The following PTK6 variants were observed in gnomAD, a reference collection of about 807,000 sequenced individuals.
PTK6 encodes the protein protein tyrosine kinase 6, also known as protein-tyrosine kinase 6.
PTK6 carries 47 observed loss-of-function variants against 47.5 expected under a neutral mutation model. The ratio of observed to expected loss-of-function variants is 0.99; its 90% CI spans 0.78 to 1.26. The LOEUF (loss-of-function observed/expected upper bound fraction) is 1.26. Among genes scored for constraint, PTK6 ranks in the 50% most tolerant of loss-of-function variants. PTK6 has a pLI of 0.00. For synonymous variants in PTK6, 287 were observed against 276.5 expected, an observed-to-expected ratio of 1.04 and a Z score of -0.38; for missense variants, 618 against 625.3, an observed-to-expected ratio of 0.99 and a Z score of 0.12.
At position 63,534,931 on chromosome 20, in the gene PTK6, G is replaced by T; in HGVS notation, c.352+7C>A. 6.3e-7 allele frequency: 1 copy of T among 1,591,144 alleles called. No individual in the cohort carries two copies. ...GGCAAGCACAGGCTCGGAGGCCGGG[G>T]CCGCACCCGACAGGACGTAGTCGGC... On this transcript the variant is annotated splice_region_variant and intron_variant, in intron 2 of 7. Coordinates refer to ENST00000542869, the MANE Select transcript of PTK6 (RefSeq NM_005975.4).
rs1418992050 is a variant in PTK6, at chr20:63,537,126, G to C, written c.189C>G (p.Pro63=). 3.7e-6 allele frequency: 6 copies of C among 1,610,908 alleles called. No homozygotes were observed. Among genetic ancestry groups the C allele is most frequent in the African/African-American group, 1.3e-5 (1 of 74,852 alleles). ...AGGAVAQGYV[P]HNYLAERETV... ...TCTCCCTCTCGGCCAGGTAGTTGTG[G>C]GGCACATAGCCCTGGGCCACGGCCC... is the stretch of plus-strand genomic sequence containing the variant. Residue 63 remains proline (P), a synonymous_variant, in exon 1 of 8, where the codon CCC becomes CCG. Coordinates refer to ENST00000542869, the MANE Select transcript of PTK6 (RefSeq NM_005975.4).
intron 2 of PTK6, 79 bp from the exon 3 acceptor site, chr20:63,534,394 G>A (rs1187870974): frequency 1.1e-5 from 16 of 1,464,556 alleles, no homozygotes; most frequent in South Asian, 6.8e-5. Flanking sequence ...GGCCACACCT[G>A]CGCAGAGTTT....
At chr20:63,534,128 A>T in intron 3 of PTK6, 24 bp downstream of exon 3, 1 of 1,525,792 alleles carries the variant, frequency 6.6e-7, no homozygotes, top group Non-Finnish European at 8.8e-7. Context: ...ACCCCGCGTG[A>T]CCAAGTCAGG....
chr20:63,530,528 A>C lies in PTK6; in HGVS notation c.1014+218T>G, dbSNP rs1220378337. Among the ~76,000 whole-genome samples, 2 of 152,136 alleles carry C rather than the reference A, an allele frequency of 1.3e-5. No individual in the cohort carries two copies. Among genetic ancestry groups the C allele is most frequent in the African/African-American group, 4.8e-5 (2 of 41,438 alleles). On this transcript the variant is annotated intron_variant, in intron 6 of 7. Coordinates refer to ENST00000542869, the MANE Select transcript of PTK6 (RefSeq NM_005975.4). The surrounding 1 kb of genome is among the most constrained non-coding windows in gnomAD (Gnocchi z 4.1). ...GGCCAGTGAACAAGGCACGTGAACAAGGCAGCGGCTGCGTGGTGGGCCCTG... is the reference window on the plus strand; with the variant it reads ...GGCCAGTGAACAAGGCACGTGAACACGGCAGCGGCTGCGTGGTGGGCCCTG...
rs1569010197 is a variant in PTK6 at position 63,530,890 on chromosome 20, C to T, written c.870G>A (p.Leu290=). The part of the protein sequence containing the change: ...DEKVLPVSEL[L]DIAWQVAEGM... ...CCTCAGCCACCTGCCAGGCGATGTC[C>T]AGCAGCTCCGAAACGGGCAGGACTT... The change falls in exon 6 of 8, where the codon CTG becomes CTA. Residue 290 remains leucine, a synonymous_variant. Coordinates refer to ENST00000542869, the MANE Select transcript of PTK6 (RefSeq NM_005975.4). The surrounding 1 kb of genome is among the most constrained non-coding windows in gnomAD (Gnocchi z 4.1). 6.2e-7 allele frequency: 1 copy of T among 1,613,472 alleles called. No homozygotes were observed. The highest frequency in any genetic ancestry group is 8.5e-7 in the Non-Finnish European group (1 of 1,179,778).
Position 63,537,370 on chromosome 20 carries a change from T to C in PTK6, c.-56A>G. ...GTGGCCCAGCTGGAGCACCCAGAGC[T>C]GGGCGTGGCAGGCGGGCCGTCCCAC... is the stretch of plus-strand genomic sequence containing the variant. On this transcript the variant is annotated 5_prime_UTR_variant, in exon 1 of 8. Coordinates refer to ENST00000542869, the MANE Select transcript of PTK6 (RefSeq NM_005975.4). The C allele has an allele frequency of 6.9e-7, 1 of 1,454,548 alleles. No individual in the cohort carries two copies. The highest frequency in any genetic ancestry group is 9.4e-7 in the Non-Finnish European group (1 of 1,066,804). The allele number at this position is 1,454,548 out of a possible 1,614,324, so 90.1% of individuals were successfully genotyped here. A position where few individuals can be genotyped will look rare whatever the true frequency, so the allele number is the denominator to read the frequency against.
intron 5 of PTK6, among the ~76,000 whole-genome samples, chr20:63,531,517 A>C (rs2082621176): frequency 1.4e-5 from 2 of 146,058 alleles, no homozygotes; most frequent in Non-Finnish European, 1.5e-5. Context: ...CAGGTGGCTG[A>C]GGCAGGAGAA....
At position 63,537,238 on chromosome 20, in the gene PTK6, T is replaced by G. The variant is rs1011785686; in HGVS notation, c.77A>C (p.Glu26Ala). Residue 26 changes from glutamate (E) to alanine (A), a missense_variant, in exon 1 of 8, where the codon GAG (glutamate) becomes GCG (alanine). Coordinates refer to ENST00000542869, the MANE Select transcript of PTK6 (RefSeq NM_005975.4). ...LWDFKSRTDEELSFRAGDVFH... is the reference protein window; with the variant it reads ...LWDFKSRTDEALSFRAGDVFH... ...GACGTCCCCCGCGCGGAAGCTCAGC[T>G]CCTCGTCCGTCCGGGACTTGAAGTC... is the stretch of plus-strand genomic sequence containing the variant. 2 of 1,612,348 alleles carry G rather than the reference T, an allele frequency of 1.2e-6. No homozygotes were observed. The highest frequency in any genetic ancestry group is 1.7e-6 in the Non-Finnish European group (2 of 1,179,810).
chr20:63,529,398 C>A lies in PTK6; in HGVS notation c.*138G>T. ...AGCACACGCGTGTATTGGACGCAGACACTCCACATTTGTGAACCTTTCCTG... is the reference window on the plus strand; with the variant it reads ...AGCACACGCGTGTATTGGACGCAGAAACTCCACATTTGTGAACCTTTCCTG... On this transcript the variant is annotated 3_prime_UTR_variant, in exon 8 of 8. Transcript: ENST00000542869. The surrounding 1 kb of genome is among the most constrained non-coding windows in gnomAD (Gnocchi z 5.6). 3 of 962,212 alleles carry A rather than the reference C, an allele frequency of 3.1e-6. No individual in the cohort carries two copies. The highest frequency in any genetic ancestry group is 4.4e-6 in the Non-Finnish European group (3 of 679,416). 59.6% of individuals were successfully genotyped at this position (962,212 alleles called of 1,614,324 possible).
At chr20:63,531,203 C>T (rs921860887) in intron 5 of PTK6, among the ~76,000 whole-genome samples, 16 of 151,542 alleles carry the variant, frequency 1.1e-4, no homozygotes, top group African/African-American at 2.2e-4. Flanking sequence ...GGATGGATCA[C>T]GAGGTCAGGA....
At position 63,530,846 on chromosome 20, in the gene PTK6, G is replaced by A. The variant is rs776081884; in HGVS notation, c.914C>T (p.Ser305Leu). Residue 305 changes from serine (S) to leucine (L), a missense_variant, in exon 6 of 8, where the codon TCG (serine) becomes TTG (leucine). By Grantham distance (145) the Ser-to-Leu change is moderately radical. Coordinates refer to ENST00000542869, the MANE Select transcript of PTK6 (RefSeq NM_005975.4). The surrounding 1 kb of genome is among the most constrained non-coding windows in gnomAD (Gnocchi z 4.1). ...QVAEGMCYLE[S>L]QNYIHRDLAA... ...CAGGTCCCGGTGGATGTAATTCTGCGACTCCAGGTAACACATGCCCTCAGC... is the reference window on the plus strand; with the variant it reads ...CAGGTCCCGGTGGATGTAATTCTGCAACTCCAGGTAACACATGCCCTCAGC... 4.1e-5 allele frequency: 66 copies of A among 1,613,902 alleles called. No homozygotes were observed. The East Asian group carries it at 1.2e-3, about 28-fold the overall frequency.
chr20:63,534,111 C>T lies in PTK6; in HGVS notation c.516+41G>A, dbSNP rs1327986385. The T allele has an allele frequency of 2.7e-6, 4 of 1,496,932 alleles. No homozygotes were observed. In the Admixed American group the frequency reaches 8.6e-5, roughly 32 times the overall value. The allele number at this position is 1,496,932 out of a possible 1,614,324, so 92.7% of individuals were successfully genotyped here. On this transcript the variant is annotated intron_variant, in intron 3 of 7. Coordinates refer to ENST00000542869, the MANE Select transcript of PTK6 (RefSeq NM_005975.4). The stretch of plus-strand genomic sequence containing the variant: ...TAGGAAATGCCAGCCTGTGACCCCC[C>T]AGCCTGACCCCGCGTGACCAAGTCA...
In PTK6 at chr20:63,533,638, T is replaced by C; in HGVS notation, c.583A>G (p.Arg195Gly). The change falls in exon 4 of 8, where the codon AGG becomes GGG. Residue 195 changes from arginine (R) to glycine (G), a missense_variant. Arg to Gly is a moderately radical substitution (Grantham distance 125, BLOSUM62 -2). Coordinates refer to ENST00000542869, the MANE Select transcript of PTK6 (RefSeq NM_005975.4). The surrounding 1 kb of genome is among the most constrained non-coding windows in gnomAD (Gnocchi z 4.0). ...ERPREEFTLC[R>G]KLGSGYFGEV... Reference sequence around the variant, plus strand: ...CCAAAGTAGCCGGACCCCAGCTTCCTGCAGAGCGTGAACTCCTCCCTCGGC... The same window carrying C: ...CCAAAGTAGCCGGACCCCAGCTTCCCGCAGAGCGTGAACTCCTCCCTCGGC... The C allele has an allele frequency of 1.9e-6, 3 of 1,613,920 alleles. No homozygotes were observed. The highest frequency in any genetic ancestry group is 2.5e-6 in the Non-Finnish European group (3 of 1,180,000).
At chr20:63,532,371 C>T (rs2082630875) in intron 5 of PTK6, among the ~76,000 whole-genome samples, 155 bp downstream of exon 5, 1 of 122,860 alleles carries the variant, frequency 8.1e-6, no homozygotes, top group African/African-American at 5.0e-5. Flanking sequence ...GTGTGTGTCT[C>T]TGTGTGTCTG....
rs1416817292 is a variant in PTK6 at position 63,530,642 on chromosome 20, C to A, written c.1014+104G>T. 6 of 1,386,060 alleles carry A rather than the reference C, an allele frequency of 4.3e-6. No individual in the cohort carries two copies. The African/African-American group carries it at 5.9e-5, about 14-fold the overall frequency. The allele number at this position is 1,386,060 out of a possible 1,614,324, so 85.9% of individuals were successfully genotyped here. On this transcript the variant is annotated intron_variant, in intron 6 of 7. Coordinates refer to ENST00000542869, the MANE Select transcript of PTK6 (RefSeq NM_005975.4). The surrounding 1 kb of genome is among the most constrained non-coding windows in gnomAD (Gnocchi z 4.1). ...AGCCTGGGCTCCCGAGGGCAGGGGC[C>A]GCATCCTGCTCCCAGCCGAGTCCCC...
Position 63,533,597 on chromosome 20 carries a change from C to A in PTK6, c.624G>T (p.Gly208=). Residue 208 remains glycine, a synonymous_variant, in exon 4 of 8, where the codon GGG becomes GGT. Coordinates refer to ENST00000542869, the MANE Select transcript of PTK6 (RefSeq NM_005975.4). The surrounding 1 kb of genome is among the most constrained non-coding windows in gnomAD (Gnocchi z 4.0). Reference sequence around the variant, plus strand: ...CCACCTGGACCCGGTCTTTCCAGAGCCCCTCGAAGACCTCCCCAAAGTAGC... The same window carrying A: ...CCACCTGGACCCGGTCTTTCCAGAGACCCTCGAAGACCTCCCCAAAGTAGC... ...GSGYFGEVFE[G]LWKDRVQVAI... The A allele has an allele frequency of 6.2e-7, 1 of 1,613,654 alleles. No individual in the cohort carries two copies. The highest frequency in any genetic ancestry group is 8.5e-7 in the Non-Finnish European group (1 of 1,179,896).
intron 1 of PTK6, among the ~76,000 whole-genome samples, chr20:63,536,388 G>A (rs7274608): frequency 0.13 from 19,033 of 147,932 alleles, 4,010 homozygotes; most frequent in African/African-American, 0.45. Flanking sequence ...CCTGCCCGAC[G>A]GCCTCTTTAC....
intron 1 of PTK6, among the ~76,000 whole-genome samples, chr20:63,536,792 G>A (rs1243005929): frequency 1.3e-5 from 2 of 152,208 alleles, no homozygotes; most frequent in Non-Finnish European, 2.9e-5. Flanking sequence ...CTGGGTCCCG[G>A]CAATGCAGCG....
At position 63,534,149 on chromosome 20, in the gene PTK6, T is replaced by TACCTTCCGGCAGGGCGCGGCC. The variant is rs1555886028; in HGVS notation, c.498_516+2dup. ...CGTGACCAAGTCAGGGCGGAGCGGC[T>TACCTTCCGGCAGGGCGCGGCC]ACCTTCCGGCAGGGCGCGGCCAGCC... On this transcript the variant is annotated splice_region_variant and intron_variant, in intron 3 of 7. Transcript: ENST00000542869. 6.5e-7 allele frequency: 1 copy of TACCTTCCGGCAGGGCGCGGCC among 1,546,950 alleles called. No homozygotes were observed. Among genetic ancestry groups the TACCTTCCGGCAGGGCGCGGCC allele is most frequent in the African/African-American group, 1.4e-5 (1 of 73,202 alleles).
Sources: gnomAD v4.1 joint callset for allele counts (sites outside exome capture counted in the v4.1 genomes callset) on GRCh38, gnomAD v4.1.1 for gene constraint, Gnocchi (gnomAD v3.1) non-coding constraint, MANE v1.5 for transcripts, NCBI Gene and HGNC (gene_info 2026-07-23, HGNC 2026-07-21) for gene names.